ZP3: variants seen among roughly 807,000 people sequenced by gnomAD.
ZP3 encodes zona pellucida sperm-binding protein 3.
ZP3 carries 21 observed loss-of-function variants against 35.6 expected under a neutral mutation model. The observed-to-expected ratio is 0.59, with a 90% CI of 0.42 to 0.85. ZP3 has a LOEUF of 0.85. Ranked by LOEUF, ZP3 falls within the 40% of genes least tolerant of loss-of-function variation. The probability of loss-of-function intolerance (pLI) is 0.00; values close to 1 mark genes in which losing one functional copy is unlikely to be tolerated. For synonymous variants in ZP3, 207 were observed against 214.5 expected (o/e 0.96, Z 0.31); for missense variants, 437 against 536.5 (o/e 0.81, Z 1.83).
chr7:76,410,999 G>GAAAAAA (rs977138723), intron 1 of ZP3, among the ~76,000 whole-genome samples: 4 of 80,180 alleles, frequency 5.0e-5, no homozygotes, highest in Admixed American at 1.3e-4. Flanking sequence ...CATCTCAAAA[G>GAAAAAA]AAAAAAAAAA....
chr7:76,430,835 C>T (rs1417322895), intron 2 of ZP3, among the ~76,000 whole-genome samples: 1 of 152,176 alleles, frequency 6.6e-6, no homozygotes, highest in Admixed American at 6.5e-5. Flanking sequence ...TAGGGGTTAT[C>T]CTAGAACAGG....
chr7:76,407,115 C>T (rs954305869), intron 1 of ZP3, among the ~76,000 whole-genome samples: 3 of 152,092 alleles, frequency 2.0e-5, no homozygotes, highest in Non-Finnish European at 4.4e-5. Context: ...CATGTGCCAC[C>T]ATACTCGGCT....
chr7:76,431,700 C>G (rs920163568), intron 2 of ZP3, among the ~76,000 whole-genome samples: 1 of 152,090 alleles, frequency 6.6e-6, no homozygotes, highest in South Asian at 2.1e-4. Context: ...GAGATGGAGA[C>G]CATCCTGGCT....
intron 1 of ZP3, among the ~76,000 whole-genome samples, chr7:76,427,515 CAA>C (rs71085411): frequency 0.042 from 4,387 of 104,704 alleles, 187 homozygotes; most frequent in African/African-American, 0.14. Flanking sequence ...GACTCCGTCT[CAA>C]AAAAAAAAAA....
chr7:76,441,366 G>T (rs1302940373), intron 7 of ZP3, among the ~76,000 whole-genome samples: 1 of 150,716 alleles, frequency 6.6e-6, no homozygotes, highest in African/African-American at 2.5e-5. Context: ...CTCCGTATGA[G>T]AAAGCTGTCT....
intron 1 of ZP3, among the ~76,000 whole-genome samples, chr7:76,411,636 G>T (rs1344896833): frequency 6.6e-6 from 1 of 152,118 alleles, no homozygotes; most frequent in Non-Finnish European, 1.5e-5. Flanking sequence ...AAAAAAAATA[G>T]TTGGTGATAT....
At chr7:76,429,457 C>A in intron 1 of ZP3, 58 bp from the exon 2 acceptor site, 1 of 1,557,136 alleles carries the variant, frequency 6.4e-7, no homozygotes, top group Non-Finnish European at 8.9e-7. Flanking sequence ...TCAGGTATGG[C>A]TTGGGAGTAC....
At chr7:76,424,466 C>T (rs1176939569), upstream of ZP3, among the ~76,000 whole-genome samples, 3 of 152,038 alleles carry the variant, frequency 2.0e-5, no homozygotes, top group Admixed American at 6.6e-5. Context: ...CTGTCTCTAC[C>T]AAAAATACAA....
chr7:76,411,958 T>C (rs1190561160), intron 1 of ZP3, among the ~76,000 whole-genome samples: 1 of 152,046 alleles, frequency 6.6e-6, no homozygotes, highest in Non-Finnish European at 1.5e-5. Flanking sequence ...CCCAGGAGGC[T>C]GTGGCAGGAG....
At chr7:76,416,714 G>C (rs751776819) in intron 1 of ZP3, among the ~76,000 whole-genome samples, 1 of 151,454 alleles carries the variant, frequency 6.6e-6, no homozygotes, top group Non-Finnish European at 1.5e-5. Context: ...TGGGAGAGTC[G>C]CTTAAGCCTG....
upstream of ZP3, among the ~76,000 whole-genome samples, chr7:76,423,078 AGAAAG>A (rs1584053467): frequency 2.7e-5 from 4 of 145,780 alleles, no homozygotes; most frequent in East Asian, 2.2e-4. Context: ...AAAGAAAGAA[AGAAAG>A]AAAAGAAATT....
intron 1 of ZP3, among the ~76,000 whole-genome samples, chr7:76,399,615 G>C (rs947167550): frequency 3.3e-5 from 5 of 151,792 alleles, no homozygotes; most frequent in African/African-American, 4.8e-5. Flanking sequence ...GCTCACTGCA[G>C]CCTTGACCCC....
intron 1 of ZP3, chr7:76,404,626 C>T (rs1804940979): frequency 2.6e-6 from 2 of 774,140 alleles, no homozygotes; most frequent in South Asian, 1.8e-5. Flanking sequence ...ACCCCCATCT[C>T]TACAAAAAGT....
chr7:76,405,047 G>A (rs1045868072), intron 1 of ZP3, among the ~76,000 whole-genome samples: 1 of 151,316 alleles, frequency 6.6e-6, no homozygotes, highest in Admixed American at 6.6e-5. Flanking sequence ...TCCAGCCTGG[G>A]CGACAGAGCA....
rs756066961 is a variant in ZP3, at chr7:76,397,715, G to C, written c.-149G>C. ...GCAGCCCAGCTGACGACAGACCACA[G>C]CGGCATCCGGCAGCCCCCAGTCGTC... On this transcript the variant is annotated 5_prime_UTR_variant, in exon 1 of 9. Coordinates refer to the ZP3 transcript ENST00000336517. 6.8e-6 allele frequency: 11 copies of C among 1,613,360 alleles called. No individual in the cohort carries two copies. The highest frequency in any genetic ancestry group is 9.3e-6 in the Non-Finnish European group (11 of 1,179,850).
At position 76,429,566 on chromosome 7, in the gene ZP3, C is replaced by A; in HGVS notation, c.364C>A (p.Pro122Thr). 2 of 1,614,110 alleles carry A rather than the reference C, an allele frequency of 1.2e-6. No individual in the cohort carries two copies. The highest frequency in any genetic ancestry group is 1.1e-5 in the South Asian group (1 of 91,084). ...YSTFLLHDPR[P>T]VGNLSIVRTN... ...CACCTTCCTGCTCCATGACCCCCGC[C>A]CCGTGGGAAACCTGTCCATCGTGAG... Residue 122 changes from proline to threonine, a missense_variant, in exon 2 of 8, where the codon CCC becomes ACC. This residue lies in a region of ZP3 where 352 missense variants were observed against 308.4 expected (regional missense o/e 1.14). Coordinates refer to ENST00000394857, the MANE Select transcript of ZP3 (RefSeq NM_001110354.2).
chr7:76,438,252 T>A (rs1431913371), intron 5 of ZP3, among the ~76,000 whole-genome samples: 2 of 151,962 alleles, frequency 1.3e-5, no homozygotes, highest in East Asian at 3.9e-4. Context: ...CAGGATGGAA[T>A]GTCAGTCTAA....
upstream of ZP3, among the ~76,000 whole-genome samples, chr7:76,421,191 C>T (rs1805497138): frequency 6.6e-6 from 1 of 152,160 alleles, no homozygotes; most frequent in Admixed American, 6.6e-5. Context: ...GTCTCAGCCT[C>T]CCAAAGTGCT....
upstream of ZP3, among the ~76,000 whole-genome samples, chr7:76,420,662 C>T (rs1216191048): frequency 6.6e-6 from 1 of 152,152 alleles, no homozygotes; most frequent in African/African-American, 2.4e-5. Context: ...TGGTTAACAG[C>T]ATCGTCTTCT....
Sources: allele counts gnomAD v4.1 joint callset (sites outside exome capture counted in the v4.1 genomes callset), GRCh38; gene constraint gnomAD v4.1.1; regional missense constraint gnomAD v4.1.1; transcripts MANE v1.5; gene names NCBI Gene and HGNC (gene_info 2026-07-23, HGNC 2026-07-21).